Variants in DNAH14 observed in about 807,000 individuals in gnomAD.
DNAH14 encodes the protein dynein axonemal heavy chain 14.
Under a neutral mutation model 520.9 loss-of-function variants are expected in DNAH14, and 478 were observed. That is an observed-to-expected ratio of 0.92 (90% CI 0.85 to 0.99). The LOEUF (loss-of-function observed/expected upper bound fraction) is 0.99, where lower values mean the gene tolerates loss of function less well. DNAH14 is among the 50% of genes least tolerant of loss of function. The pLI is 0.00. For synonymous variants in DNAH14, 1,581 were observed against 1,757.2 expected (o/e 0.90, Z 2.51); for missense variants, 4,831 against 5,234.5 (o/e 0.92, Z 2.38).
Position 225,308,285 on chromosome 1 carries a change from G to A in DNAH14, c.9115G>A (p.Glu3039Lys). The change falls in exon 60 of 86, where the codon GAA becomes AAA. Residue 3039 changes from glutamate (E) to lysine (K), a missense_variant and splice_region_variant. Glu to Lys is a moderately conservative substitution (Grantham distance 56, BLOSUM62 1). Transcript: ENST00000682510. The part of the protein sequence containing the change: ...LGPQVEQKTK[E>K]TETLMEKLRK... ...TAAGAACAATTATGTGCTTCATTAGGAAACAGAAACTCTAATGGAAAAACT... is the reference window on the plus strand; with the variant it reads ...TAAGAACAATTATGTGCTTCATTAGAAAACAGAAACTCTAATGGAAAAACT... The A allele has an allele frequency of 6.5e-7, 1 of 1,534,596 alleles. No individual in the cohort carries two copies. Among genetic ancestry groups the A allele is most frequent in the Middle Eastern group, 1.7e-4 (1 of 5,950 alleles).
At chr1:225,241,485 C>G (rs1055598763) in intron 43 of DNAH14, among the ~76,000 whole-genome samples, 1 of 152,180 alleles carries the variant, frequency 6.6e-6, no homozygotes, top group Non-Finnish European at 1.5e-5. Flanking sequence ...AGGTTACAGT[C>G]ATACATTGCT....
At chr1:225,092,637 C>T (rs2074498225) in intron 21 of DNAH14, among the ~76,000 whole-genome samples, 1 of 151,966 alleles carries the variant, frequency 6.6e-6, no homozygotes, top group Non-Finnish European at 1.5e-5. Flanking sequence ...CAAGAGCAAA[C>T]CAACCCCAAA....
At chr1:225,114,836 C>G (rs1027853869) in intron 23 of DNAH14, among the ~76,000 whole-genome samples, 2 of 152,144 alleles carry the variant, frequency 1.3e-5, no homozygotes, top group African/African-American at 4.8e-5. Context: ...TGCCACAAGT[C>G]CACCACAGGG....
chr1:225,194,779 C>G (rs931516732), intron 38 of DNAH14, among the ~76,000 whole-genome samples: 2 of 151,496 alleles, frequency 1.3e-5, no homozygotes, highest in Non-Finnish European at 3.0e-5. Context: ...CGATAAAAAT[C>G]TAATATCTGG....
intron 17 of DNAH14, among the ~76,000 whole-genome samples, chr1:225,070,155 C>A (rs1407608410): frequency 6.6e-6 from 1 of 151,948 alleles, no homozygotes; most frequent in Admixed American, 6.6e-5. Context: ...TCAAAAAACC[C>A]AGCTCCTGGA....
At chr1:225,251,315 A>G (rs1051595623) in intron 43 of DNAH14, among the ~76,000 whole-genome samples, 2 of 152,020 alleles carry the variant, frequency 1.3e-5, no homozygotes, top group Non-Finnish European at 2.9e-5. Context: ...CTGGAATTAC[A>G]GGCACCTGTC....
In DNAH14 at chr1:225,367,907, T is replaced by C. The variant is rs879838974; in HGVS notation, c.12193T>C (p.Cys4065Arg). 1.9e-6 allele frequency: 3 copies of C among 1,551,644 alleles called. No homozygotes were observed. The South Asian group carries it at 3.6e-5, about 18-fold the overall frequency. Residue 4065 changes from cysteine (C) to arginine (R), a missense_variant, in exon 77 of 86, where the codon TGT becomes CGT. Coordinates refer to ENST00000682510, the MANE Select transcript of DNAH14 (RefSeq NM_001367479.1). ...VTEEIFENPD[C>R]GQWWKKLLFS... ...AGAAGAGATATTTGAAAATCCTGACTGTGGACAATGGTGGAAAAAACTTTT... is the reference window on the plus strand; with the variant it reads ...AGAAGAGATATTTGAAAATCCTGACCGTGGACAATGGTGGAAAAAACTTTT...
chr1:225,192,007 C>T (rs1053901959), intron 37 of DNAH14, among the ~76,000 whole-genome samples: 4 of 152,020 alleles, frequency 2.6e-5, no homozygotes, highest in Non-Finnish European at 4.4e-5. Context: ...ATTAGCTGGG[C>T]CTGCTCTGAG....
intron 17 of DNAH14, among the ~76,000 whole-genome samples, chr1:225,078,824 C>CT: frequency 2.0e-5 from 2 of 101,456 alleles, no homozygotes; most frequent in Non-Finnish European, 4.2e-5. Flanking sequence ...CTCTCTCTCT[C>CT]CCTCTCTCTC....
intron 5 of DNAH14, among the ~76,000 whole-genome samples, chr1:224,964,914 C>T (rs1221062580): frequency 6.6e-6 from 1 of 152,118 alleles, no homozygotes; most frequent in African/African-American, 2.4e-5. Context: ...AAACTTGAAT[C>T]TACTGTTTGG....
intron 41 of DNAH14, among the ~76,000 whole-genome samples, chr1:225,218,483 CAA>C (rs143044295): frequency 6.3e-5 from 8 of 126,606 alleles, no homozygotes; most frequent in Non-Finnish European, 5.2e-5. Context: ...AAATGGAAAC[CAA>C]AAAAAAAAAA....
At chr1:225,115,815 A>G (rs899296633) in intron 23 of DNAH14, among the ~76,000 whole-genome samples, 5 of 152,220 alleles carry the variant, frequency 3.3e-5, no homozygotes, top group Admixed American at 2.6e-4. Flanking sequence ...TGTATCAGGC[A>G]CTGCTGCTAT....
intron 10 of DNAH14, among the ~76,000 whole-genome samples, chr1:225,015,232 G>A (rs375638648): frequency 6.6e-6 from 1 of 152,090 alleles, no homozygotes; most frequent in East Asian, 1.9e-4. Flanking sequence ...GTTGAGTCTT[G>A]TATTTTAATC....
intron 38 of DNAH14, among the ~76,000 whole-genome samples, chr1:225,196,307 A>G (rs571793791): frequency 1.4e-4 from 22 of 152,148 alleles, no homozygotes; most frequent in Non-Finnish European, 3.1e-4. Flanking sequence ...ACTTAGAATA[A>G]TAGTCTCCAA....
rs561345791 is a variant in DNAH14 at position 225,277,476 on chromosome 1, C to T, written c.8245C>T (p.Arg2749Ter). Residue 2749 changes from arginine (R) to a stop codon, truncating the protein, a stop_gained, in exon 54 of 86, where the codon CGA becomes TGA. Coordinates refer to ENST00000682510, the MANE Select transcript of DNAH14 (RefSeq NM_001367479.1). LOFTEE classifies it high-confidence loss of function. ...CATCATAAGAGCAACAAGGGTTCTT[C>T]GACAACCAGGGAGTCACATGTTACT... ...EHIIRATRVLRQPGSHMLLIG... is the reference protein window; with the variant it reads ...EHIIRATRVL 9.1e-5 allele frequency: 43 copies of T among 470,864 alleles called. No individual in the cohort carries two copies. The highest frequency in any genetic ancestry group is 2.6e-4 in the African/African-American group (13 of 50,168). The allele number at this position is 470,864 out of a possible 1,614,324, so 29.2% of individuals were successfully genotyped here.
chr1:225,047,273 A>G (rs552151482), intron 15 of DNAH14, among the ~76,000 whole-genome samples: 1 of 152,076 alleles, frequency 6.6e-6, no homozygotes, highest in African/African-American at 2.4e-5. Flanking sequence ...CTTATATCTA[A>G]CTTTTTTCTC....
At chr1:225,050,091 G>T (rs1234850830) in intron 15 of DNAH14, 119 bp from the exon 16 acceptor site, 2 of 822,226 alleles carry the variant, frequency 2.4e-6, no homozygotes, top group Non-Finnish European at 3.6e-6. Context: ...ATAGAATATT[G>T]TCTAACCCTC....
At chr1:225,044,074 G>T (rs1397443460) in intron 15 of DNAH14, 91 bp downstream of exon 15, 2 of 703,808 alleles carry the variant, frequency 2.8e-6, no homozygotes, top group Non-Finnish European at 2.3e-6. Flanking sequence ...CCAGGGATGT[G>T]GCAGATGTTA....
In DNAH14 at chr1:225,377,301, C is replaced by G. The variant is rs778207418; in HGVS notation, c.12581C>G (p.Pro4194Arg). 1.3e-6 allele frequency: 2 copies of G among 1,549,816 alleles called. No individual in the cohort carries two copies. The highest frequency in any genetic ancestry group is 1.7e-6 in the Non-Finnish European group (2 of 1,146,136). ...TACATACACATTATCCAGTCCTTAC[C>G]TGATGATGACCTTCCCGAGGTCTTA... is the stretch of plus-strand genomic sequence containing the variant. Reference protein sequence around the residue: ...KDYIHIIQSLPDDDLPEVLGI... With the variant: ...KDYIHIIQSLRDDDLPEVLGI... Residue 4194 changes from proline (P) to arginine (R), a missense_variant, in exon 79 of 86, where the codon CCT (proline) becomes CGT (arginine). Transcript: ENST00000682510.
Sources: allele counts gnomAD v4.1 joint callset (sites outside exome capture counted in the v4.1 genomes callset), GRCh38; gene constraint gnomAD v4.1.1; transcripts MANE v1.5; gene names NCBI Gene and HGNC (gene_info 2026-07-23, HGNC 2026-07-21).